PTGR2: variants seen among roughly 807,000 people sequenced by gnomAD.
PTGR2 encodes prostaglandin reductase 2.
In PTGR2, 32 loss-of-function variants were observed where a neutral mutation model predicts 43.4. That is an observed-to-expected ratio of 0.74 (90% CI 0.56 to 0.99). PTGR2 has a LOEUF of 0.99. Among genes scored for constraint, PTGR2 ranks in the 50% least tolerant of loss-of-function variants. PTGR2 has a pLI of 0.00. For missense variants in PTGR2, 373 were observed against 420.0 expected (o/e 0.89, Z 0.98); for synonymous variants, 106 against 139.2 (o/e 0.76, Z 1.68).
At chr14:73,877,276 A>AT (rs150196513) in intron 5 of PTGR2, 108 bp downstream of exon 5, 1,584 of 1,073,320 alleles carry the variant, frequency 1.5e-3, no homozygotes, top group East Asian at 1.9e-3. Flanking sequence ...AATTGGATAA[A>AT]TTTTTTTTTT....
intron 3 of PTGR2, among the ~76,000 whole-genome samples, chr14:73,864,310 G>A (rs924028394): frequency 6.6e-6 from 1 of 152,176 alleles, no homozygotes; most frequent in Non-Finnish European, 1.5e-5. Context: ...ATATACATAA[G>A]AGTAAAATTA....
At chr14:73,879,645 T>TTACGTAGAGA (rs11281736) in intron 6 of PTGR2, 23 of 299,668 alleles carry the variant, frequency 7.7e-5, no homozygotes, top group African/African-American at 4.4e-4. Flanking sequence ...GCCCCAGACC[T>TTACGTAGAGA]ATGGGTTTCA....
At position 73,868,799 on chromosome 14, in the gene PTGR2, AG is replaced by A. The variant is rs2054660904; in HGVS notation, c.157-5223del. Among the ~76,000 whole-genome samples the A allele has an allele frequency of 1.8e-4, 26 of 147,376 alleles. No individual in the cohort carries two copies. The South Asian group carries it at 5.5e-3, about 31-fold the overall frequency. On this transcript the variant is annotated intron_variant, in intron 3 of 9. Coordinates refer to ENST00000555661, the MANE Select transcript of PTGR2 (RefSeq NM_001146154.2). The stretch of plus-strand genomic sequence containing the variant: ...GATACTTCTTCCTTAAAAAAAAAAA[AG>A]AAGACTCTGGGCCATGCTCTTCCTT...
At chr14:73,858,071 G>A (rs1424763973) in intron 1 of PTGR2, 2 of 152,088 alleles carry the variant, frequency 1.3e-5, no homozygotes, top group Admixed American at 6.6e-5. Context: ...TTAAAAACAA[G>A]TGCAGTATTG....
intron 1 of PTGR2, among the ~76,000 whole-genome samples, chr14:73,854,045 T>C (rs2054289363): frequency 6.6e-6 from 1 of 152,174 alleles, no homozygotes; most frequent in African/African-American, 2.4e-5. Context: ...TGATGTGTCT[T>C]ATTTTAGCTG....
At chr14:73,882,934 CCT>C (rs2055029663) in intron 9 of PTGR2, among the ~76,000 whole-genome samples, 1 of 147,572 alleles carries the variant, frequency 6.8e-6, no homozygotes, top group African/African-American at 2.5e-5. Context: ...AATTCTCCTG[CCT>C]CAGTCTACCA....
intron 4 of PTGR2, among the ~76,000 whole-genome samples, chr14:73,876,056 T>C (rs941884526): frequency 9.2e-5 from 14 of 151,888 alleles, no homozygotes; most frequent in East Asian, 1.9e-4. Flanking sequence ...CCTGACCACA[T>C]GATCCACCCA....
intron 1 of PTGR2, among the ~76,000 whole-genome samples, chr14:73,852,701 G>A (rs1018046346): frequency 1.3e-5 from 2 of 152,152 alleles, no homozygotes; most frequent in Non-Finnish European, 2.9e-5. Flanking sequence ...GGCTCAGGGA[G>A]GTCACTGAGA....
chr14:73,870,781 ATTCT>A (rs1257779677), intron 3 of PTGR2, among the ~76,000 whole-genome samples: 4 of 152,076 alleles, frequency 2.6e-5, no homozygotes, highest in African/African-American at 9.7e-5. Context: ...GTGCTTTCAT[ATTCT>A]TTAAGTGACT....
At chr14:73,854,531 A>G (rs996255610) in intron 1 of PTGR2, among the ~76,000 whole-genome samples, 2 of 152,254 alleles carry the variant, frequency 1.3e-5, no homozygotes, top group African/African-American at 4.8e-5. Context: ...GAACTTTAAT[A>G]GTATATTTTT....
chr14:73,875,816 G>GTTTT (rs1555351261), intron 4 of PTGR2, among the ~76,000 whole-genome samples: 2 of 106,532 alleles, frequency 1.9e-5, no homozygotes, highest in Non-Finnish European at 4.2e-5. Flanking sequence ...TTTTTTAAAA[G>GTTTT]TTTCTTTTTT....
chr14:73,852,614 G>A (rs1443717391), intron 1 of PTGR2, among the ~76,000 whole-genome samples: 1 of 152,118 alleles, frequency 6.6e-6, no homozygotes, highest in East Asian at 1.9e-4. Flanking sequence ...GAGCTGGGCA[G>A]TTAGTTTGAA....
intron 6 of PTGR2, chr14:73,879,568 T>TA (rs1324643412): frequency 2.5e-6 from 1 of 400,130 alleles, no homozygotes; most frequent in Non-Finnish European, 4.5e-6. Context: ...TGTGAAAAAT[T>TA]ACAGTTGCAT....
In PTGR2 at chr14:73,879,964, G is replaced by A. The variant is rs1407169987; in HGVS notation, c.730-91G>A. On this transcript the variant is annotated intron_variant, in intron 6 of 9. Coordinates refer to ENST00000555661, the MANE Select transcript of PTGR2 (RefSeq NM_001146154.2). ...AAAAATCGAACTAGTTGACAGAAAGGATTAAATAGTCAAGGAGGCTTCCAT... is the reference window on the plus strand; with the variant it reads ...AAAAATCGAACTAGTTGACAGAAAGAATTAAATAGTCAAGGAGGCTTCCAT... 4 of 1,326,162 alleles carry A rather than the reference G, an allele frequency of 3.0e-6. No homozygotes were observed. The East Asian group carries it at 9.3e-5, about 31-fold the overall frequency. 82.1% of individuals were successfully genotyped at this position (1,326,162 alleles called of 1,614,324 possible). A position where few individuals can be genotyped will look rare whatever the true frequency, so the allele number is the denominator to read the frequency against.
At chr14:73,863,003 G>A (rs1002886402) in intron 3 of PTGR2, among the ~76,000 whole-genome samples, 4 of 152,070 alleles carry the variant, frequency 2.6e-5, no homozygotes, top group Non-Finnish European at 5.9e-5. Flanking sequence ...CACTACATCT[G>A]TCTCCATATA....
intron 7 of PTGR2, among the ~76,000 whole-genome samples, chr14:73,880,972 T>C (rs2054973806): frequency 6.6e-6 from 1 of 152,200 alleles, no homozygotes; most frequent in African/African-American, 2.4e-5. Context: ...AATTTTTTTG[T>C]ATTTTTAGTA....
At chr14:73,872,857 G>A (rs1009652152) in intron 3 of PTGR2, among the ~76,000 whole-genome samples, 9 of 151,820 alleles carry the variant, frequency 5.9e-5, no homozygotes, top group Non-Finnish European at 1.5e-5. Flanking sequence ...CGTGCCTGTA[G>A]TCCCAGCTAT....
At position 73,880,111 on chromosome 14, in the gene PTGR2, T is replaced by C. The variant is rs558728661; in HGVS notation, c.786T>C (p.Asp262=). 1 of 1,613,966 alleles carries C rather than the reference T, an allele frequency of 6.2e-7. No individual in the cohort carries two copies. Among genetic ancestry groups the C allele is most frequent in the Admixed American group, 1.7e-5 (1 of 60,006 alleles). Residue 262 remains aspartate, a synonymous_variant, in exon 7 of 10, where the codon GAT becomes GAC. Transcript: ENST00000555661. ...GTCAAATTTCTCAGTACAACAAAGA[T>C]GTGCCTTATCCTCCCCCGCTATCCC... ...LCGQISQYNK[D]VPYPPPLSPA... is the part of the protein sequence containing the mutation.
chr14:73,863,373 A>G (rs550659598), intron 3 of PTGR2, among the ~76,000 whole-genome samples: 6 of 152,220 alleles, frequency 3.9e-5, no homozygotes, highest in Admixed American at 1.3e-4. Context: ...CAGTGGGGCA[A>G]TCATAGCTCA....
Sources: gnomAD v4.1 joint callset for allele counts (sites outside exome capture counted in the v4.1 genomes callset) on GRCh38, gnomAD v4.1.1 for gene constraint, MANE v1.5 for transcripts, NCBI Gene and HGNC (gene_info 2026-07-23, HGNC 2026-07-21) for gene names.